ACOXL: variants seen among roughly 807,000 people sequenced by gnomAD.
The protein encoded by ACOXL is acyl-CoA oxidase like.
Under a neutral mutation model 71.9 loss-of-function variants are expected in ACOXL, and 70 were observed. The ratio of observed to expected loss-of-function variants is 0.97; its 90% CI spans 0.80 to 1.19. The LOEUF (loss-of-function observed/expected upper bound fraction) is 1.19, where lower values mean the gene tolerates loss of function less well. Among genes scored for constraint, ACOXL ranks in the 50% most tolerant of loss-of-function variants. ACOXL has a pLI of 0.00. For missense variants in ACOXL, 703 were observed against 736.3 expected (o/e 0.95, Z 0.52); for synonymous variants, 253 against 281.6 (o/e 0.90, Z 1.02).
At chr2:111,001,023 A>G (rs2063601757) in intron 14 of ACOXL, among the ~76,000 whole-genome samples, 2 of 152,242 alleles carry the variant, frequency 1.3e-5, no homozygotes, top group African/African-American at 4.8e-5. Context: ...GATGAAGCCC[A>G]AGGCATGACT....
intron 12 of ACOXL, among the ~76,000 whole-genome samples, chr2:110,982,192 T>C (rs533243303): frequency 2.0e-5 from 3 of 152,260 alleles, no homozygotes; most frequent in Admixed American, 2.0e-4. Flanking sequence ...AGTCTTGCTC[T>C]GCGCCCAGGC....
intron 10 of ACOXL, among the ~76,000 whole-genome samples, chr2:110,876,364 G>T (rs1695902210): frequency 6.6e-6 from 1 of 152,202 alleles, no homozygotes; most frequent in Admixed American, 6.5e-5. Flanking sequence ...GCTCCCCCGA[G>T]GTGCCTGTGG....
At chr2:111,074,791 C>T (rs1297757940) in intron 16 of ACOXL, among the ~76,000 whole-genome samples, 2 of 152,020 alleles carry the variant, frequency 1.3e-5, no homozygotes, top group East Asian at 3.9e-4. Context: ...GACAGGGTTT[C>T]ACCATGTTGT....
intron 1 of ACOXL, among the ~76,000 whole-genome samples, chr2:110,756,555 GTTTTA>G (rs1178210720): frequency 6.6e-6 from 1 of 152,104 alleles, no homozygotes; most frequent in African/African-American, 2.4e-5. Flanking sequence ...AATTCTTCAG[GTTTTA>G]TTTTAATACT....
At chr2:110,976,475 T>C (rs2062450304) in intron 12 of ACOXL, among the ~76,000 whole-genome samples, 1 of 152,232 alleles carries the variant, frequency 6.6e-6, no homozygotes, top group South Asian at 2.1e-4. Context: ...ATTGATCAAG[T>C]ATGAGGCAAT....
intron 14 of ACOXL, among the ~76,000 whole-genome samples, chr2:111,002,824 T>C (rs557547301): frequency 6.6e-6 from 1 of 152,358 alleles, no homozygotes; most frequent in South Asian, 2.1e-4. Flanking sequence ...AGATTTTTTC[T>C]GACTTTGGAA....
At chr2:110,857,762 G>A (rs1693440965) in intron 10 of ACOXL, among the ~76,000 whole-genome samples, 1 of 152,144 alleles carries the variant, frequency 6.6e-6, no homozygotes, top group African/African-American at 2.4e-5. Context: ...GCCTGGCTCT[G>A]TTGCCCAGGC....
chr2:111,106,978 C>A (rs2069580614), intron 17 of ACOXL, among the ~76,000 whole-genome samples: 3 of 152,196 alleles, frequency 2.0e-5, no homozygotes, highest in African/African-American at 7.2e-5. Context: ...TCTGACAGCA[C>A]CCCATCTGGT....
At chr2:110,913,131 A>G (rs2149256939) in intron 11 of ACOXL, among the ~76,000 whole-genome samples, 1 of 152,380 alleles carries the variant, frequency 6.6e-6, no homozygotes, top group Non-Finnish European at 1.5e-5. Flanking sequence ...GTGGTGAAAT[A>G]GAAACCTCAT....
intron 16 of ACOXL, among the ~76,000 whole-genome samples, chr2:111,059,698 T>C (rs1574634168): frequency 1.3e-5 from 2 of 152,068 alleles, no homozygotes; most frequent in Admixed American, 6.5e-5. Context: ...TGAATTTTGT[T>C]TGTGCCTCAT....
At chr2:110,897,726 AAG>A (rs1396915288) in intron 10 of ACOXL, among the ~76,000 whole-genome samples, 1 of 149,896 alleles carries the variant, frequency 6.7e-6, no homozygotes, top group Non-Finnish European at 1.5e-5. Context: ...AGGAAGCAAA[AAG>A]AATAAAGTAA....
Position 110,759,191 on chromosome 2 carries a change from C to G in ACOXL, c.-22-9177C>G, listed in dbSNP as rs541951104. 2.2e-3 allele frequency among the ~76,000 whole-genome samples: 337 copies of G among 152,204 alleles called. 1 individual carries two copies. Among genetic ancestry groups the G allele is most frequent in the Middle Eastern group, 3.4e-3 (1 of 292 alleles). On this transcript the variant is annotated intron_variant, in intron 1 of 17. Transcript: ENST00000439055. ...AGAGTTCTGTAGATATCTGTCAGGT[C>G]TACTTGATCCTGAGGTTGAGTTCAG...
At position 111,052,540 on chromosome 2, in the gene ACOXL, G is replaced by A. The variant is rs13015595; in HGVS notation, c.1440+3252G>A. Among the ~76,000 whole-genome samples the A allele has an allele frequency of 8.2e-3, 1,244 of 152,292 alleles. 10 individuals carry two copies. Among genetic ancestry groups the A allele is most frequent in the Non-Finnish European group, 0.012 (802 of 68,014 alleles). On this transcript the variant is annotated intron_variant, in intron 16 of 17. Coordinates refer to ENST00000439055, the MANE Select transcript of ACOXL (RefSeq NM_001142807.4). ...ACCCGAGAAGGGGGCTAGGGAAACG[G>A]TACCCAAGGGTAAGATAGCTGTTAT...
intron 17 of ACOXL, among the ~76,000 whole-genome samples, chr2:111,095,040 A>G (rs1045273205): frequency 6.6e-5 from 10 of 152,204 alleles, no homozygotes; most frequent in African/African-American, 1.9e-4. Flanking sequence ...ACTGAATTCT[A>G]TCAGTCAGAG....
chr2:111,039,674 G>A (rs2065683767), intron 15 of ACOXL, among the ~76,000 whole-genome samples: 3 of 151,918 alleles, frequency 2.0e-5, no homozygotes, highest in Admixed American at 2.0e-4. Context: ...ATTCTTTTTT[G>A]CCCCTGAAAA....
At chr2:110,962,704 GC>G (rs1359682033) in intron 12 of ACOXL, among the ~76,000 whole-genome samples, 1 of 152,246 alleles carries the variant, frequency 6.6e-6, no homozygotes, top group Non-Finnish European at 1.5e-5. Context: ...GAGTATGACT[GC>G]CCCTGGGCCT....
chr2:110,832,544 CAAAAAAAAAA>C (rs769471148), intron 9 of ACOXL, among the ~76,000 whole-genome samples: 3 of 44,314 alleles, frequency 6.8e-5, no homozygotes, highest in African/African-American at 2.6e-4. Context: ...GACTCCATCT[CAAAAAAAAAA>C]AAAAAAAAAA....
At chr2:110,833,462 A>T (rs1485548138) in intron 9 of ACOXL, among the ~76,000 whole-genome samples, 1 of 152,162 alleles carries the variant, frequency 6.6e-6, no homozygotes, top group Non-Finnish European at 1.5e-5. Context: ...CACGGTCACC[A>T]TGAGGGATGC....
chr2:110,955,795 C>T (rs1163011928), intron 12 of ACOXL, among the ~76,000 whole-genome samples: 1 of 152,126 alleles, frequency 6.6e-6, no homozygotes, highest in Non-Finnish European at 1.5e-5. Flanking sequence ...TGGCTGAATT[C>T]CCTTCTTTAA....
Sources: allele counts gnomAD v4.1 joint callset (sites outside exome capture counted in the v4.1 genomes callset), GRCh38; gene constraint gnomAD v4.1.1; transcripts MANE v1.5; gene names NCBI Gene and HGNC (gene_info 2026-07-23, HGNC 2026-07-21).